STOML1: variants seen among roughly 807,000 people sequenced by gnomAD.
STOML1 encodes the protein stomatin like 1.
In STOML1, 27 loss-of-function variants were observed where a neutral mutation model predicts 35.7. That is an observed-to-expected ratio of 0.76 (90% CI 0.56 to 1.04). STOML1 has a LOEUF of 1.04. Ranked by LOEUF, STOML1 falls within the 50% of genes least tolerant of loss-of-function variation. The pLI is 0.00. For missense variants in STOML1, 451 were observed against 527.1 expected (o/e 0.86, Z 1.41); for synonymous variants, 219 against 227.9 (o/e 0.96, Z 0.35).
upstream of STOML1, among the ~76,000 whole-genome samples, chr15:73,992,836 G>A (rs79233608): frequency 0.035 from 5,319 of 152,206 alleles, 150 homozygotes; most frequent in Non-Finnish European, 0.054. Context: ...TCTTCTCCAG[G>A]ATCAAGGACA....
chr15:73,989,271 C>A lies in STOML1; in HGVS notation c.241-14G>T. The A allele has an allele frequency of 6.4e-7, 1 of 1,570,810 alleles. No individual in the cohort carries two copies. ...GGTGGGCACAATCTGTCCACAATGG[C>A]AAGGGAAAGAGTTGAAAGTGGTCAG... On this transcript the variant is annotated splice_polypyrimidine_tract_variant and intron_variant, in intron 2 of 6. Transcript: ENST00000541638.
In STOML1 at chr15:73,984,692, T is replaced by C. The variant is rs916563080; in HGVS notation, c.970A>G (p.Thr324Ala). ...AGGTCCAGGAAGTAGGCGCTTTGGG[T>C]GCCGCTGGGCAGGACGACATTGAAC... Reference protein sequence around the residue: ...YQFNVVLPSGTQSAYFLDLTT... With the variant: ...YQFNVVLPSGAQSAYFLDLTT... Residue 324 changes from threonine to alanine, a missense_variant, in exon 6 of 7, where the codon ACC becomes GCC. By Grantham distance (58) the Thr-to-Ala change is moderately conservative (BLOSUM62 0). Coordinates refer to ENST00000541638, the MANE Select transcript of STOML1 (RefSeq NM_004809.5). The C allele has an allele frequency of 6.2e-7, 1 of 1,614,082 alleles. No individual in the cohort carries two copies.
chr15:73,991,076 C>G, intron 1 of STOML1: 1 of 1,227,132 alleles, frequency 8.1e-7, no homozygotes, highest in Middle Eastern at 2.9e-4. Flanking sequence ...CGAGATGGCG[C>G]CACTGCACTC....
intron 1 of STOML1, chr15:73,991,760 CG>C: frequency 1.8e-6 from 1 of 541,882 alleles, no homozygotes; most frequent in Non-Finnish European, 3.5e-6. Flanking sequence ...GCCTAGACCT[CG>C]GTTTCTTCTA....
At position 73,983,795 on chromosome 15, in the gene STOML1, T is replaced by A. The variant is rs746042608; in HGVS notation, c.*142A>T. ...CAGCCGGACTCAGCCTCCTGCAGCC[T>A]CCATTCATGGGCTCTTGGCTGGGCC... is the stretch of plus-strand genomic sequence containing the variant. On this transcript the variant is annotated 3_prime_UTR_variant, in exon 7 of 7. Coordinates refer to ENST00000541638, the MANE Select transcript of STOML1 (RefSeq NM_004809.5). 1 of 940,354 alleles carries A rather than the reference T, an allele frequency of 1.1e-6. No individual in the cohort carries two copies. The highest frequency in any genetic ancestry group is 2.9e-5 in the Admixed American group (1 of 34,468). 58.3% of individuals were successfully genotyped at this position (940,354 alleles called of 1,614,324 possible). A position where few individuals can be genotyped will look rare whatever the true frequency, so the allele number is the denominator to read the frequency against.
intron 4 of STOML1, chr15:73,987,722 A>G (rs1206217464): frequency 6.6e-6 from 1 of 152,250 alleles, no homozygotes; most frequent in Non-Finnish European, 1.5e-5. Context: ...AAACAGTAGT[A>G]CCGACTTGCA....
intron 1 of STOML1, 131 bp downstream of exon 1, chr15:73,991,960 G>A (rs1371783743): frequency 5.2e-6 from 7 of 1,340,816 alleles, no homozygotes; most frequent in African/African-American, 3.0e-5. Context: ...TCTCCACATC[G>A]TATCCCTTTC....
Position 73,983,968 on chromosome 15 carries a change from T to C in STOML1, c.1166A>G (p.Lys389Arg). The C allele has an allele frequency of 6.2e-7, 1 of 1,613,998 alleles. No individual in the cohort carries two copies. ...CAAGGCCCTGAGGACAGCCTCCAGC[T>C]TCATGGCCATAGCCAGGTCGCCCTT... ...KVKGDLAMAMKLEAVLRALK is the reference protein window; with the variant it reads ...KVKGDLAMAMRLEAVLRALK The change falls in exon 7 of 7, where the codon AAG becomes AGG. Residue 389 changes from lysine to arginine, a missense_variant. Physicochemically the swap from Lys to Arg is conservative, Grantham distance 26. Transcript: ENST00000541638.
At position 73,985,395 on chromosome 15, in the gene STOML1, G is replaced by T; in HGVS notation, c.713C>A (p.Thr238Asn). 1 of 1,563,242 alleles carries T rather than the reference G, an allele frequency of 6.4e-7. No individual in the cohort carries two copies. Among genetic ancestry groups the T allele is most frequent in the Non-Finnish European group, 8.6e-7 (1 of 1,162,022 alleles). Residue 238 changes from threonine to asparagine, a missense_variant, in exon 5 of 7, where the codon ACC becomes AAC. Physicochemically the swap from Thr to Asn is moderately conservative, Grantham distance 65 (BLOSUM62 0). Coordinates refer to ENST00000541638, the MANE Select transcript of STOML1 (RefSeq NM_004809.5). ...DSPAGPNLDSTLQQLALHFLG... is the reference protein window; with the variant it reads ...DSPAGPNLDSNLQQLALHFLG... ...GAAGTGCAGGGCCAGCTGCTGGAGG[G>T]TGCTGTCCAGGTTGGGCCCAGCTGG...
Position 73,984,416 on chromosome 15 carries a change from G to A in STOML1, c.1003+243C>T, listed in dbSNP as rs141706343. 2.0e-5 allele frequency among the ~76,000 whole-genome samples: 3 copies of A among 152,352 alleles called. No individual in the cohort carries two copies. In the East Asian group the frequency reaches 5.8e-4, roughly 29 times the overall value. ...AAAGTACTTGGCACAGAGCCTGACA[G>A]GCAGCAGGCCTGTAACACGGGCAGG... On this transcript the variant is annotated intron_variant, in intron 6 of 6. Coordinates refer to ENST00000541638, the MANE Select transcript of STOML1 (RefSeq NM_004809.5).
chr15:73,982,507 T>C lies in STOML1; in HGVS notation c.*1430A>G, dbSNP rs1302808240. The C allele has an allele frequency of 6.5e-6, 1 of 152,706 alleles. No homozygotes were observed. Among genetic ancestry groups the C allele is most frequent in the Non-Finnish European group, 1.5e-5 (1 of 68,516 alleles). The allele number at this position is 152,706 out of a possible 1,614,324, so 9.5% of individuals were successfully genotyped here. On this transcript the variant is annotated 3_prime_UTR_variant, in exon 7 of 7. Coordinates refer to ENST00000541638, the MANE Select transcript of STOML1 (RefSeq NM_004809.5). ...CTTTAGGGAGGTGCCTCAGGCAATG[T>C]GGAGGACCTCCAGGAGGCGGGACAA...
chr15:73,990,511 G>C, intron 1 of STOML1, 54 bp from the exon 2 acceptor site: 1 of 1,525,602 alleles, frequency 6.6e-7, no homozygotes, highest in East Asian at 2.4e-5. Context: ...CTGCCAAGCG[G>C]AGTGAACTTG....
At position 73,990,331 on chromosome 15, in the gene STOML1, G is replaced by A; in HGVS notation, c.240+20C>T. 3 of 1,612,508 alleles carry A rather than the reference G, an allele frequency of 1.9e-6. No homozygotes were observed. In the South Asian group the frequency reaches 3.3e-5, roughly 18 times the overall value. Reference sequence around the variant, plus strand: ...TCAGTGTGGCCCAACCACCCTGGGGGCTGACCCAGCCAGCCTTACCTTCAG... The same window carrying A: ...TCAGTGTGGCCCAACCACCCTGGGGACTGACCCAGCCAGCCTTACCTTCAG... On this transcript the variant is annotated intron_variant, in intron 2 of 6. Transcript: ENST00000541638.
intron 4 of STOML1, chr15:73,987,388 T>A (rs1423870033): frequency 6.6e-6 from 1 of 152,278 alleles, no homozygotes; most frequent in Non-Finnish European, 1.5e-5. Context: ...AGGTGCTCAC[T>A]CAGTCTGGGA....
intron 4 of STOML1, chr15:73,987,492 C>T (rs2069135282): frequency 6.6e-6 from 1 of 152,210 alleles, no homozygotes; most frequent in African/African-American, 2.4e-5. Context: ...AGACTGAGAT[C>T]AGTTTTCTCT....
rs749284141 is a variant in STOML1 at position 73,984,020 on chromosome 15, C to T, written c.1114G>A (p.Ala372Thr). 5.6e-6 allele frequency: 9 copies of T among 1,613,858 alleles called. No homozygotes were observed. The highest frequency in any genetic ancestry group is 1.3e-5 in the African/African-American group (1 of 75,066). ...LLCRELRPLG[A>T]YMSGRLKVKG... ...ACCTTCAGCCGTCCACTCATGTAGGCCCCCAGGGGCCGCAGCTCTCTGCAT... is the reference window on the plus strand; with the variant it reads ...ACCTTCAGCCGTCCACTCATGTAGGTCCCCAGGGGCCGCAGCTCTCTGCAT... Residue 372 changes from alanine (A) to threonine (T), a missense_variant, in exon 7 of 7, where the codon GCC (alanine) becomes ACC (threonine). Coordinates refer to ENST00000541638, the MANE Select transcript of STOML1 (RefSeq NM_004809.5).
At position 73,983,072 on chromosome 15, in the gene STOML1, CAGG is replaced by C. The variant is rs1863833761; in HGVS notation, c.*862_*864del. On this transcript the variant is annotated 3_prime_UTR_variant, in exon 7 of 7. Coordinates refer to ENST00000541638, the MANE Select transcript of STOML1 (RefSeq NM_004809.5). ...TTGCTTCCAGGGGCTTTGAGACACT[CAGG>C]AGAAGGAGCTTCAAATATTGTGAGG... 3 of 149,636 alleles carry C rather than the reference CAGG, an allele frequency of 2.0e-5. No individual in the cohort carries two copies. The highest frequency in any genetic ancestry group is 6.6e-5 in the Admixed American group (1 of 15,092). The allele number at this position is 149,636 out of a possible 1,614,324, so 9.3% of individuals were successfully genotyped here.
At chr15:73,984,573 G>A (rs998770081) in intron 6 of STOML1, 86 bp downstream of exon 6, 3 of 1,480,184 alleles carry the variant, frequency 2.0e-6, no homozygotes, top group South Asian at 2.4e-5. Flanking sequence ...CAGGAGCAGG[G>A]GGCAGTCTAC....
intron 1 of STOML1, chr15:73,991,001 A>G: frequency 7.1e-7 from 1 of 1,416,664 alleles, no homozygotes; most frequent in Non-Finnish European, 9.2e-7. Context: ...GAGGAATTAG[A>G]TTATTATTTT....
Sources: gnomAD v4.1 joint callset for allele counts (sites outside exome capture counted in the v4.1 genomes callset) on GRCh38, gnomAD v4.1.1 for gene constraint, MANE v1.5 for transcripts, NCBI Gene and HGNC (gene_info 2026-07-23, HGNC 2026-07-21) for gene names.